Variants in RP2 observed in about 807,000 individuals in gnomAD.
RP2 encodes protein XRP2.
RP2 carries 3 observed loss-of-function variants against 20.3 expected under a neutral mutation model. The ratio of observed to expected loss-of-function variants is 0.15; its 90% CI spans 0.07 to 0.38. The LOEUF is 0.38. Ranked by LOEUF, RP2 falls within the 10% of genes least tolerant of loss-of-function variation. The pLI, the probability that RP2 is intolerant of heterozygous loss-of-function variation, is 1.00. For missense variants in RP2, 233 were observed against 268.5 expected, an observed-to-expected ratio of 0.87 and a Z score of 0.92; for synonymous variants, 75 against 94.8, an observed-to-expected ratio of 0.79 and a Z score of 1.22.
intron 1 of RP2, among the ~76,000 whole-genome samples, chrX:46,844,185 T>A (rs1057095710): frequency 2.4e-4 from 27 of 112,097 alleles, no homozygotes; most frequent in South Asian, 7.3e-4. Flanking sequence ...TTTAAAAAAA[T>A]TTTTTTATTA....
chrX:46,861,726 C>T (rs1231106340), intron 3 of RP2, among the ~76,000 whole-genome samples: 1 of 111,156 alleles, frequency 9.0e-6, no homozygotes, highest in Non-Finnish European at 1.9e-5. Context: ...CCTGTAGTCC[C>T]AGCTACTCAG....
At chrX:46,855,704 C>A (rs1265398928) in intron 2 of RP2, among the ~76,000 whole-genome samples, 1 of 110,124 alleles carries the variant, frequency 9.1e-6, no homozygotes, top group Non-Finnish European at 1.9e-5. Context: ...TGACCTCAAG[C>A]AGTCCACCCG....
At chrX:46,845,828 A>G (rs1417764615) in intron 1 of RP2, among the ~76,000 whole-genome samples, 2 of 110,846 alleles carry the variant, frequency 1.8e-5, no homozygotes, top group Non-Finnish European at 3.8e-5. Flanking sequence ...CAGTGGCACA[A>G]TCTTGGCGCA....
chrX:46,855,877 A>G (rs1924951009), intron 2 of RP2, among the ~76,000 whole-genome samples: 1 of 111,836 alleles, frequency 8.9e-6, no homozygotes, highest in Middle Eastern at 4.3e-3. Context: ...CAATAGCTAT[A>G]TATTCCACAA....
chrX:46,868,637 T>C (rs1285100065), intron 3 of RP2, among the ~76,000 whole-genome samples: 1 of 108,206 alleles, frequency 9.2e-6, no homozygotes, highest in Non-Finnish European at 1.9e-5. Context: ...ATACAAAAAA[T>C]TAGCCGGGCG....
At chrX:46,839,268 A>C (rs1274953763) in intron 1 of RP2, among the ~76,000 whole-genome samples, 1 of 111,464 alleles carries the variant, frequency 9.0e-6, no homozygotes, top group Non-Finnish European at 1.9e-5. Flanking sequence ...ATTTTTTTCT[A>C]GGGCCAGGCA....
intron 4 of RP2, among the ~76,000 whole-genome samples, chrX:46,878,708 TTA>T (rs1234358537): frequency 3.6e-5 from 4 of 111,367 alleles, no homozygotes; most frequent in Non-Finnish European, 7.5e-5. Context: ...ATTTGGACTT[TTA>T]GAGCTGAATG....
intron 1 of RP2, among the ~76,000 whole-genome samples, chrX:46,842,059 C>T (rs1483948050): frequency 9.0e-6 from 1 of 111,627 alleles, no homozygotes; most frequent in East Asian, 2.8e-4. Flanking sequence ...ATTATAGGCG[C>T]GTGCCACCAC....
chrX:46,850,538 A>G (rs1924840620), intron 1 of RP2, among the ~76,000 whole-genome samples: 1 of 111,894 alleles, frequency 8.9e-6, no homozygotes, highest in Non-Finnish European at 1.9e-5. Context: ...AGCTTCATCT[A>G]CTAGCATTCT....
rs782469578 is a variant in RP2 at position 46,862,943 on chromosome X, G to T, written c.883+2841G>T. On this transcript the variant is annotated intron_variant, in intron 3 of 4. Transcript: ENST00000218340. Reference sequence around the variant, plus strand: ...TAGGAAGAAAAGAAATATGTTAAATGACACCATAAGGAAATAAGACAAATC... The same window carrying T: ...TAGGAAGAAAAGAAATATGTTAAATTACACCATAAGGAAATAAGACAAATC... Among the ~76,000 whole-genome samples the T allele has an allele frequency of 2.0e-3, 222 of 112,143 alleles. 1 individual carries two copies. Among genetic ancestry groups the T allele is most frequent in the Non-Finnish European group, 3.7e-3 (195 of 53,254 alleles).
intron 1 of RP2, among the ~76,000 whole-genome samples, chrX:46,851,906 A>G (rs1181594466): frequency 7.2e-5 from 8 of 111,367 alleles, no homozygotes; most frequent in African/African-American, 2.6e-4. Flanking sequence ...CTCTACTAAA[A>G]AATACAAAAA....
In RP2 at chrX:46,882,076, A is replaced by AAGT. The variant is rs1362357956; in HGVS notation, c.*2311_*2313dup. 2 of 112,176 alleles carry AAGT rather than the reference A, an allele frequency of 1.8e-5. No individual in the cohort carries two copies. The highest frequency in any genetic ancestry group is 1.9e-5 in the Non-Finnish European group (1 of 53,259). The allele number at this position is 112,176 out of a possible 1,213,427, so 9.2% of individuals were successfully genotyped here. ...AATGTTTGAAACGATTTTAAAAAAT[A>AAGT]AGTAGTGCTATGGTTGTTTCTATAA... On this transcript the variant is annotated 3_prime_UTR_variant, in exon 5 of 5. Coordinates refer to ENST00000218340, the MANE Select transcript of RP2 (RefSeq NM_006915.3).
At chrX:46,874,069 A>G (rs1602354214) in intron 3 of RP2, among the ~76,000 whole-genome samples, 2 of 111,889 alleles carry the variant, frequency 1.8e-5, no homozygotes, top group East Asian at 2.8e-4. Flanking sequence ...AATCTATGTC[A>G]AGCATATAAG....
chrX:46,842,450 C>T (rs894620208), intron 1 of RP2, among the ~76,000 whole-genome samples: 16 of 111,536 alleles, frequency 1.4e-4, no homozygotes, highest in Non-Finnish European at 2.6e-4. Flanking sequence ...ATCACATGTA[C>T]CCCATAAATG....
At chrX:46,865,718 A>G (rs1925158749) in intron 3 of RP2, among the ~76,000 whole-genome samples, 1 of 111,762 alleles carries the variant, frequency 8.9e-6, no homozygotes, top group South Asian at 3.7e-4. Flanking sequence ...TCACGAGGTC[A>G]AGAGATCGAG....
At position 46,852,743 on chromosome X, in the gene RP2, T is replaced by C. The variant is rs782651319; in HGVS notation, c.103-733T>C. Among the ~76,000 whole-genome samples the C allele has an allele frequency of 4.2e-4, 46 of 110,089 alleles. 1 individual carries two copies. In the Middle Eastern group the frequency reaches 0.014, roughly 33 times the overall value. ...GATTACAGACATGCGCCACCACGCC[T>C]GGGTAATTTTTGTATTTTTAATAGA... On this transcript the variant is annotated intron_variant, in intron 1 of 4. Coordinates refer to ENST00000218340, the MANE Select transcript of RP2 (RefSeq NM_006915.3).
At chrX:46,877,634 C>T in intron 4 of RP2, 44 bp downstream of exon 4, 2 of 925,734 alleles carry the variant, frequency 2.2e-6, no homozygotes, top group Non-Finnish European at 1.6e-6. Context: ...CTTTTCATTT[C>T]ATCTCCTTTT....
chrX:46,847,929 C>CATATAT (rs10533014), intron 1 of RP2, among the ~76,000 whole-genome samples: 66 of 82,376 alleles, frequency 8.0e-4, no homozygotes, highest in African/African-American at 1.5e-3. Context: ...TGTGTATATA[C>CATATAT]ATATATATAT....
At chrX:46,859,380 C>G (rs1303101035) in intron 2 of RP2, among the ~76,000 whole-genome samples, 1 of 107,956 alleles carries the variant, frequency 9.3e-6, no homozygotes, top group African/African-American at 3.4e-5. Context: ...AGCTAGCTGC[C>G]TGGGAGGCTG....
Sources: allele counts gnomAD v4.1 joint callset (sites outside exome capture counted in the v4.1 genomes callset), GRCh38; gene constraint gnomAD v4.1.1; transcripts MANE v1.5; gene names NCBI Gene and HGNC (gene_info 2026-07-23, HGNC 2026-07-21).